The following PLXNA4 variants were observed in gnomAD, a reference collection of about 807,000 sequenced individuals.
The protein encoded by PLXNA4 is plexin-A4.
Under a neutral mutation model 191.8 loss-of-function variants are expected in PLXNA4, and 44 were observed. The observed-to-expected ratio is 0.23, with a 90% CI of 0.18 to 0.29. PLXNA4 has a LOEUF of 0.29. PLXNA4 is among the 10% of genes least tolerant of loss of function. The probability of loss-of-function intolerance (pLI) is 1.00; values close to 1 mark genes in which losing one functional copy is unlikely to be tolerated. For synonymous variants in PLXNA4, 1,082 were observed against 1,009.5 expected (o/e 1.07, Z -1.36); for missense variants, 1,800 against 2,488.8 (o/e 0.72, Z 5.89).
Position 132,202,612 on chromosome 7 carries a change from C to T in PLXNA4, c.2586+34G>A, listed in dbSNP as rs202196714. 980 of 1,437,804 alleles carry T rather than the reference C, an allele frequency of 6.8e-4. 1 individual carries two copies. Among genetic ancestry groups the T allele is most frequent in the Non-Finnish European group, 8.1e-4 (887 of 1,089,380 alleles). 89.1% of individuals were successfully genotyped at this position (1,437,804 alleles called of 1,614,324 possible). ...GTGTGGCACAGCAGCCTGGAGCCTG[C>T]CCATTTGGAGCAGGAGGCCCGACCC... On this transcript the variant is annotated intron_variant, in intron 12 of 31. Coordinates refer to ENST00000321063, the MANE Select transcript of PLXNA4 (RefSeq NM_020911.2).
intron 3 of PLXNA4, among the ~76,000 whole-genome samples, chr7:132,389,938 G>T (rs1036965389): frequency 1.3e-5 from 2 of 152,180 alleles, no homozygotes; most frequent in Non-Finnish European, 2.9e-5. Flanking sequence ...AGAGGATGTG[G>T]AGAAATAGGA....
intron 2 of PLXNA4, among the ~76,000 whole-genome samples, chr7:132,619,188 A>G (rs1401530500): frequency 6.6e-6 from 1 of 152,194 alleles, no homozygotes; most frequent in East Asian, 1.9e-4. Flanking sequence ...AGAGTGAAGT[A>G]TATGTGTATG....
chr7:132,225,878 T>C (rs1395886599), intron 8 of PLXNA4, among the ~76,000 whole-genome samples: 1 of 152,210 alleles, frequency 6.6e-6, no homozygotes, highest in Non-Finnish European at 1.5e-5. Flanking sequence ...AGGGAAGATG[T>C]ATGCGCTAGG....
At chr7:132,134,515 G>A (rs930597575) in intron 30 of PLXNA4, among the ~76,000 whole-genome samples, 1 of 152,228 alleles carries the variant, frequency 6.6e-6, no homozygotes, top group African/African-American at 2.4e-5. Flanking sequence ...TACTGGGATT[G>A]CAGATCTGTT....
intron 28 of PLXNA4, among the ~76,000 whole-genome samples, chr7:132,146,264 G>A (rs981736186): frequency 4.6e-5 from 7 of 152,014 alleles, no homozygotes; most frequent in African/African-American, 1.5e-4. Flanking sequence ...GCATGGAGAA[G>A]GGGTAGAAAC....
At chr7:132,434,133 C>T (rs1006089071) in intron 3 of PLXNA4, among the ~76,000 whole-genome samples, 6 of 152,210 alleles carry the variant, frequency 3.9e-5, no homozygotes, top group African/African-American at 1.2e-4. Context: ...CCTTCCTTTC[C>T]GTTCCTATTT....
At chr7:132,185,513 G>C in intron 15 of PLXNA4, 50 bp from the exon 16 acceptor site, 1 of 1,572,496 alleles carries the variant, frequency 6.4e-7, no homozygotes, top group Non-Finnish European at 8.6e-7. Context: ...GAGGAGGACA[G>C]AGGTCCTGAG....
chr7:132,412,417 C>A lies in PLXNA4; in HGVS notation c.1371+76875G>T, dbSNP rs192065769. On this transcript the variant is annotated intron_variant, in intron 3 of 31. Coordinates refer to ENST00000321063, the MANE Select transcript of PLXNA4 (RefSeq NM_020911.2). ...ATGGAGCCGATCACCTTGCAGACAG[C>A]GACCTGCAGGAAACTGAAATCATAG... is the stretch of plus-strand genomic sequence containing the variant. Among the ~76,000 whole-genome samples the A allele has an allele frequency of 1.2e-4, 19 of 152,220 alleles. 1 individual carries two copies. The East Asian group carries it at 3.7e-3, about 29-fold the overall frequency.
At chr7:132,400,049 T>C (rs1793923336) in intron 3 of PLXNA4, among the ~76,000 whole-genome samples, 1 of 152,090 alleles carries the variant, frequency 6.6e-6, no homozygotes, top group South Asian at 2.1e-4. Context: ...ATCAACTTCC[T>C]CCCTTACCCC....
At chr7:132,326,675 C>T (rs1332495151) in intron 3 of PLXNA4, among the ~76,000 whole-genome samples, 2 of 152,334 alleles carry the variant, frequency 1.3e-5, no homozygotes, top group Middle Eastern at 3.4e-3. Context: ...TCCCTGACTC[C>T]GAGTGCTGAT....
intron 5 of PLXNA4, among the ~76,000 whole-genome samples, chr7:132,240,451 C>G (rs1338297291): frequency 6.6e-6 from 1 of 152,232 alleles, no homozygotes; most frequent in African/African-American, 2.4e-5. Context: ...GAGGCCAGCA[C>G]TCAGGCCGGG....
At chr7:132,241,791 C>T (rs768932957) in intron 4 of PLXNA4, among the ~76,000 whole-genome samples, 1 of 150,082 alleles carries the variant, frequency 6.7e-6, no homozygotes, top group Non-Finnish European at 1.5e-5. Context: ...CACTATGGTG[C>T]TTTCAAAGAG....
intron 3 of PLXNA4, 114 bp downstream of exon 3, chr7:132,489,178 A>G: frequency 8.8e-7 from 1 of 1,137,488 alleles, no homozygotes. Context: ...CCTTAGCTCA[A>G]ATCTGTATCA....
At chr7:132,407,789 T>C (rs1794284581) in intron 3 of PLXNA4, among the ~76,000 whole-genome samples, 1 of 152,196 alleles carries the variant, frequency 6.6e-6, no homozygotes, top group South Asian at 2.1e-4. Context: ...CATATCACAA[T>C]CTCTGCTATG....
intron 10 of PLXNA4, among the ~76,000 whole-genome samples, chr7:132,210,213 A>G (rs1797750410): frequency 6.6e-6 from 1 of 152,186 alleles, no homozygotes; most frequent in Non-Finnish European, 1.5e-5. Context: ...CCCAGAAAGA[A>G]AGAGAGAGAC....
chr7:132,428,471 G>A (rs1795134260), intron 3 of PLXNA4, among the ~76,000 whole-genome samples: 1 of 152,254 alleles, frequency 6.6e-6, no homozygotes, highest in Non-Finnish European at 1.5e-5. Context: ...TCCCCAGGGA[G>A]CTCTACCAGT....
chr7:132,224,883 TG>T (rs1232360856), intron 8 of PLXNA4, among the ~76,000 whole-genome samples: 1 of 152,194 alleles, frequency 6.6e-6, no homozygotes, highest in Non-Finnish European at 1.5e-5. Context: ...CCTAGATCTC[TG>T]GTCATGTCAG....
chr7:132,489,711 A>G (rs1346059538), intron 2 of PLXNA4, among the ~76,000 whole-genome samples: 9 of 152,142 alleles, frequency 5.9e-5, no homozygotes, highest in Admixed American at 6.5e-5. Flanking sequence ...TCCTTTCTCC[A>G]TAATCTGTGT....
intron 2 of PLXNA4, among the ~76,000 whole-genome samples, chr7:132,504,670 G>A (rs1798387756): frequency 6.6e-6 from 1 of 152,208 alleles, no homozygotes. Flanking sequence ...CCTGCCCTCT[G>A]TCATCTTCCT....
Sources: allele counts gnomAD v4.1 joint callset (sites outside exome capture counted in the v4.1 genomes callset), GRCh38; gene constraint gnomAD v4.1.1; transcripts MANE v1.5; gene names NCBI Gene and HGNC (gene_info 2026-07-23, HGNC 2026-07-21).